ATXN10: variants seen among roughly 807,000 people sequenced by gnomAD.
ATXN10 encodes ataxin-10.
In ATXN10, 28 loss-of-function variants were observed where a neutral mutation model predicts 52.9. That is an observed-to-expected ratio of 0.53 (90% CI 0.39 to 0.73). The LOEUF is 0.73. ATXN10 is among the 30% of genes least tolerant of loss of function. The pLI is 0.00. For synonymous variants in ATXN10, 226 were observed against 221.5 expected (o/e 1.02, Z -0.18); for missense variants, 565 against 577.0 (o/e 0.98, Z 0.21).
rs1046835262 is a variant in ATXN10, at chr22:45,819,430, C to T, written c.1237+12408C>T. On this transcript the variant is annotated intron_variant, in intron 10 of 11. Transcript: ENST00000252934. This position sits in a 1 kb window ranked among gnomAD's most constrained non-coding sequence, Gnocchi z 4.5. ...TGATTCCACTGAGCCTGTCTCTGCA[C>T]GGAACGAACACAAAGTTCGGTAGTC... Among the ~76,000 whole-genome samples the T allele has an allele frequency of 3.3e-5, 5 of 152,188 alleles. No individual in the cohort carries two copies. In the East Asian group the frequency reaches 9.6e-4, roughly 29 times the overall value.
Position 45,769,503 on chromosome 22 carries a change from C to A in ATXN10, c.1173+28965C>A, listed in dbSNP as rs1316619701. Among the ~76,000 whole-genome samples, 1 of 151,872 alleles carries A rather than the reference C, an allele frequency of 6.6e-6. No individual in the cohort carries two copies. The highest frequency in any genetic ancestry group is 1.5e-5 in the Non-Finnish European group (1 of 67,982). On this transcript the variant is annotated intron_variant, in intron 9 of 11. Transcript: ENST00000252934. The surrounding 1 kb of genome is among the most constrained non-coding windows in gnomAD (Gnocchi z 4.2). The stretch of plus-strand genomic sequence containing the variant: ...GAAAAGAGGTCACCGTGGAGTTGGG[C>A]CTTGAGGAATGGTGGGTAGCAGTTA...
At position 45,813,311 on chromosome 22, in the gene ATXN10, C is replaced by T. The variant is rs118004890; in HGVS notation, c.1237+6289C>T. On this transcript the variant is annotated intron_variant, in intron 10 of 11. Transcript: ENST00000252934. The stretch of plus-strand genomic sequence containing the variant: ...ATTCTTTTTTGATCTGTGTTTTGAT[C>T]GGTTGTCCTTGATGTGGGTTTGTTT... Among the ~76,000 whole-genome samples the T allele has an allele frequency of 6.7e-3, 963 of 144,542 alleles. 7 individuals carry two copies. Among genetic ancestry groups the T allele is most frequent in the South Asian group, 0.016 (73 of 4,562 alleles). The allele number at this position is 144,542 out of a possible 152,430, so 94.8% of individuals were successfully genotyped here.
chr22:45,785,463 A>G (rs912832322), intron 9 of ATXN10, among the ~76,000 whole-genome samples: 5 of 152,372 alleles, frequency 3.3e-5, no homozygotes, highest in South Asian at 2.1e-4. Flanking sequence ...AAAGAATGCA[A>G]CAAAAATGCC....
rs754296166 is a variant in ATXN10 at position 45,842,975 on chromosome 22, T to G, written c.1238-16T>G. On this transcript the variant is annotated splice_polypyrimidine_tract_variant and intron_variant, in intron 10 of 11. Transcript: ENST00000252934. This position sits in a 1 kb window ranked among gnomAD's most constrained non-coding sequence, Gnocchi z 4.8. ...ACAGGAAAGTACGTTGTCACATTCC[T>G]TCACTCTGGCTCCAGTTCTGACCCA... is the stretch of plus-strand genomic sequence containing the variant. The G allele has an allele frequency of 3.1e-6, 5 of 1,613,852 alleles. No homozygotes were observed. Among genetic ancestry groups the G allele is most frequent in the Non-Finnish European group, 3.4e-6 (4 of 1,179,832 alleles).
At chr22:45,802,941 GAGA>G (rs557701534) in intron 9 of ATXN10, among the ~76,000 whole-genome samples, 151 of 152,342 alleles carry the variant, frequency 9.9e-4, no homozygotes, top group African/African-American at 3.2e-3. Flanking sequence ...GCCTAATGCA[GAGA>G]AGAAGTGTAA....
At chr22:45,742,535 A>T (rs1234882580) in intron 9 of ATXN10, among the ~76,000 whole-genome samples, 8 of 152,160 alleles carry the variant, frequency 5.3e-5, no homozygotes, top group Admixed American at 4.6e-4. Flanking sequence ...TAAAATAAAA[A>T]AAAAAAAATA....
chr22:45,835,619 C>T lies in ATXN10; in HGVS notation c.1238-7372C>T, dbSNP rs1266692521. Among the ~76,000 whole-genome samples, 1 of 152,214 alleles carries T rather than the reference C, an allele frequency of 6.6e-6. No individual in the cohort carries two copies. The highest frequency in any genetic ancestry group is 2.4e-5 in the African/African-American group (1 of 41,460). ...TGAAATGTAGTTCTGTCAAACTCAG[C>T]AGTGTTTTATGGGGCCTATGTACCA... On this transcript the variant is annotated intron_variant, in intron 10 of 11. Coordinates refer to ENST00000252934, the MANE Select transcript of ATXN10 (RefSeq NM_013236.4). The surrounding 1 kb of genome is among the most constrained non-coding windows in gnomAD (Gnocchi z 5.0).
chr22:45,682,127 T>C (rs1922947625), intron 1 of ATXN10, among the ~76,000 whole-genome samples: 1 of 152,232 alleles, frequency 6.6e-6, no homozygotes, highest in Non-Finnish European at 1.5e-5. Context: ...ATAGATCTGC[T>C]GTAATTTTTC....
rs529097486 is a variant in ATXN10, at chr22:45,775,347, G to A, written c.1174-31612G>A. On this transcript the variant is annotated intron_variant, in intron 9 of 11. Transcript: ENST00000252934. This position sits in a 1 kb window ranked among gnomAD's most constrained non-coding sequence, Gnocchi z 4.7. ...AGCTGAGGTGCACCCTCTCTTAAGT[G>A]GCTTCATGGAGATTTTGTAAGAAAT... Among the ~76,000 whole-genome samples the A allele has an allele frequency of 1.3e-5, 2 of 152,176 alleles. No individual in the cohort carries two copies. Among genetic ancestry groups the A allele is most frequent in the South Asian group, 4.1e-4 (2 of 4,830 alleles).
rs894868599 is a variant in ATXN10, at chr22:45,770,144, G to A, written c.1173+29606G>A. ...TTTACCTAGGAGAGGTGTTACTCCT[G>A]TCTTACACATGAGGACATGAGGAAC... On this transcript the variant is annotated intron_variant, in intron 9 of 11. Coordinates refer to ENST00000252934, the MANE Select transcript of ATXN10 (RefSeq NM_013236.4). The surrounding 1 kb of genome is among the most constrained non-coding windows in gnomAD (Gnocchi z 4.5). Among the ~76,000 whole-genome samples the A allele has an allele frequency of 6.6e-6, 1 of 152,196 alleles. No individual in the cohort carries two copies. Among genetic ancestry groups the A allele is most frequent in the African/African-American group, 2.4e-5 (1 of 41,452 alleles).
At chr22:45,793,516 G>T (rs1296717947) in intron 9 of ATXN10, 10 of 1,206,778 alleles carry the variant, frequency 8.3e-6, no homozygotes, top group Non-Finnish European at 9.4e-6. Context: ...CTGAATTCAC[G>T]ATTCTCTTTA....
At chr22:45,758,007 A>G (rs1926236145) in intron 9 of ATXN10, among the ~76,000 whole-genome samples, 2 of 152,264 alleles carry the variant, frequency 1.3e-5, no homozygotes, top group South Asian at 4.1e-4. Flanking sequence ...ACTAAATTTG[A>G]TGCTTCCAAA....
At chr22:45,714,990 T>G (rs898270620) in intron 5 of ATXN10, among the ~76,000 whole-genome samples, 1 of 152,210 alleles carries the variant, frequency 6.6e-6, no homozygotes, top group African/African-American at 2.4e-5. Context: ...CCCTAGTCCC[T>G]ATACCCTTAC....
At chr22:45,748,861 ATTAAAAT>A (rs889540462) in intron 9 of ATXN10, among the ~76,000 whole-genome samples, 1 of 152,216 alleles carries the variant, frequency 6.6e-6, no homozygotes, top group Non-Finnish European at 1.5e-5. Context: ...AGTAAATGAA[ATTAAAAT>A]TCCTATCTAG....
chr22:45,713,708 C>T (rs949659343), intron 5 of ATXN10, among the ~76,000 whole-genome samples: 3 of 152,124 alleles, frequency 2.0e-5, no homozygotes, highest in African/African-American at 7.2e-5. Flanking sequence ...GCATAGTTTA[C>T]CCCCAGCCGT....
chr22:45,682,833 A>G lies in ATXN10; in HGVS notation c.117-6879A>G, dbSNP rs116137137. 3.7e-3 allele frequency among the ~76,000 whole-genome samples: 561 copies of G among 152,266 alleles called. 3 individuals are homozygous for G. Among genetic ancestry groups the G allele is most frequent in the African/African-American group, 0.012 (486 of 41,546 alleles). On this transcript the variant is annotated intron_variant, in intron 1 of 11. Coordinates refer to ENST00000252934, the MANE Select transcript of ATXN10 (RefSeq NM_013236.4). The stretch of plus-strand genomic sequence containing the variant: ...TCATAAGAATCCATCATCAAGTCCT[A>G]TTGGCTCTATCTTTAAAATATCCAG...
rs1343437421 is a variant in ATXN10 at position 45,823,072 on chromosome 22, G to C, written c.1237+16050G>C. On this transcript the variant is annotated intron_variant, in intron 10 of 11. Transcript: ENST00000252934. The surrounding 1 kb of genome is among the most constrained non-coding windows in gnomAD (Gnocchi z 4.9). ...ATTTCATTGAGGTATAACTTAAATA[G>C]AGTAAACTGCAAAATTTTTAAGTAT... 2.2e-6 allele frequency: 1 copy of C among 447,942 alleles called. No individual in the cohort carries two copies. Among genetic ancestry groups the C allele is most frequent in the Non-Finnish European group, 4.6e-6 (1 of 217,818 alleles). 27.7% of individuals were successfully genotyped at this position (447,942 alleles called of 1,614,324 possible). A position where few individuals can be genotyped will look rare whatever the true frequency, so the allele number is the denominator to read the frequency against.
At chr22:45,756,808 T>G (rs370794655) in intron 9 of ATXN10, among the ~76,000 whole-genome samples, 1 of 152,244 alleles carries the variant, frequency 6.6e-6, no homozygotes, top group African/African-American at 2.4e-5. Context: ...GAGACTACTT[T>G]CTGGGAATGA....
At chr22:45,729,194 G>C (rs777444729) in intron 6 of ATXN10, among the ~76,000 whole-genome samples, 6 of 152,178 alleles carry the variant, frequency 3.9e-5, no homozygotes, top group Non-Finnish European at 5.9e-5. Context: ...CATAAAAGGT[G>C]CATTAAGCAA....
Sources: gnomAD v4.1 joint callset for allele counts (sites outside exome capture counted in the v4.1 genomes callset) on GRCh38, gnomAD v4.1.1 for gene constraint, Gnocchi (gnomAD v3.1) non-coding constraint, MANE v1.5 for transcripts, NCBI Gene and HGNC (gene_info 2026-07-23, HGNC 2026-07-21) for gene names.